The following BMERB1 variants were observed in gnomAD, a reference collection of about 807,000 sequenced individuals.
BMERB1 encodes the protein bMERB domain-containing protein 1.
Under a neutral mutation model 23.6 loss-of-function variants are expected in BMERB1, and 12 were observed. The ratio of observed to expected loss-of-function variants is 0.51; its 90% CI spans 0.33 to 0.82. The LOEUF (loss-of-function observed/expected upper bound fraction) is 0.82, where lower values mean the gene tolerates loss of function less well. Among genes scored for constraint, BMERB1 ranks in the 40% least tolerant of loss-of-function variants. BMERB1 has a pLI of 0.03. For synonymous variants in BMERB1, 122 were observed against 96.6 expected (o/e 1.26, Z -1.54); for missense variants, 247 against 255.4 (o/e 0.97, Z 0.22).
chr16:15,445,174 T>C (rs1164357683), intron 1 of BMERB1, among the ~76,000 whole-genome samples: 1 of 152,210 alleles, frequency 6.6e-6, no homozygotes, highest in Non-Finnish European at 1.5e-5. Flanking sequence ...ATTATAGGCA[T>C]GAGCCACCAC....
intron 1 of BMERB1, among the ~76,000 whole-genome samples, chr16:15,467,451 A>G (rs1330986350): frequency 6.6e-6 from 1 of 152,138 alleles, no homozygotes; most frequent in African/African-American, 2.4e-5. Context: ...GCTGTTGCAC[A>G]TCTTTTTATG....
intron 1 of BMERB1, among the ~76,000 whole-genome samples, chr16:15,499,081 A>C (rs1193461104): frequency 6.6e-6 from 1 of 152,164 alleles, no homozygotes; most frequent in Non-Finnish European, 1.5e-5. Context: ...TCTTTGTCTC[A>C]AGTGTTGGGT....
chr16:15,477,616 G>C (rs779891864), intron 1 of BMERB1, among the ~76,000 whole-genome samples: 3 of 152,140 alleles, frequency 2.0e-5, no homozygotes, highest in Non-Finnish European at 4.4e-5. Context: ...AGGCAACAAA[G>C]TGAGATCATG....
chr16:15,544,952 AAG>A (rs1275343589), intron 2 of BMERB1, among the ~76,000 whole-genome samples: 1 of 151,676 alleles, frequency 6.6e-6, no homozygotes, highest in African/African-American at 2.4e-5. Flanking sequence ...CACCTAACAC[AAG>A]CCCAAATTTT....
intron 2 of BMERB1, among the ~76,000 whole-genome samples, chr16:15,524,056 A>G (rs1196224824): frequency 1.3e-5 from 2 of 152,148 alleles, no homozygotes; most frequent in Non-Finnish European, 2.9e-5. Flanking sequence ...ATGAGCTGAT[A>G]ATTCTGAAGT....
intron 1 of BMERB1, among the ~76,000 whole-genome samples, chr16:15,494,544 G>T (rs1157084495): frequency 6.6e-6 from 1 of 152,084 alleles, no homozygotes; most frequent in Non-Finnish European, 1.5e-5. Context: ...AATCTTTCTG[G>T]AAGTCCCACC....
chr16:15,521,341 A>C (rs1567482847), intron 2 of BMERB1, among the ~76,000 whole-genome samples: 1 of 152,212 alleles, frequency 6.6e-6, no homozygotes, highest in Admixed American at 6.5e-5. Flanking sequence ...TCTGCTGGGA[A>C]TGTGCTGTAG....
At chr16:15,498,613 G>GA (rs1464894342) in intron 1 of BMERB1, among the ~76,000 whole-genome samples, 1 of 150,136 alleles carries the variant, frequency 6.7e-6, no homozygotes, top group Non-Finnish European at 1.5e-5. Flanking sequence ...AGGAAGGAAG[G>GA]AAAAAAGAAA....
At chr16:15,505,033 CTT>C (rs1420205099) in intron 1 of BMERB1, among the ~76,000 whole-genome samples, 1 of 152,096 alleles carries the variant, frequency 6.6e-6, no homozygotes, top group Non-Finnish European at 1.5e-5. Context: ...TTGAGTAGGA[CTT>C]AACCCATGGC....
At chr16:15,484,640 A>G (rs559327718) in intron 1 of BMERB1, among the ~76,000 whole-genome samples, 2 of 152,218 alleles carry the variant, frequency 1.3e-5, no homozygotes, top group Admixed American at 6.5e-5. Flanking sequence ...GACCTCAGGT[A>G]ATCTGCCCAC....
At position 15,581,237 on chromosome 16, in the gene BMERB1, C is replaced by T; in HGVS notation, c.325C>T (p.Gln109Ter). ...AIPEKEKTKL[Q>*]KQREDELIQK... Reference sequence around the variant, plus strand: ...TCCAGAAAAAGAAAAAACCAAACTGCAGAAGCAGAGAGAGGATGAGCTAAT... The same window carrying T: ...TCCAGAAAAAGAAAAAACCAAACTGTAGAAGCAGAGAGAGGATGAGCTAAT... Residue 109 changes from glutamine to a stop codon, truncating the protein, a stop_gained, in exon 4 of 6, where the codon CAG (glutamine) becomes TAG (stop). Transcript: ENST00000300006. LOFTEE classifies it high-confidence loss of function. 6.2e-7 allele frequency: 1 copy of T among 1,613,160 alleles called. No individual in the cohort carries two copies. Among genetic ancestry groups the T allele is most frequent in the East Asian group, 2.2e-5 (1 of 44,884 alleles).
chr16:15,511,381 C>CT (rs2051662979), intron 1 of BMERB1, among the ~76,000 whole-genome samples: 1 of 152,070 alleles, frequency 6.6e-6, no homozygotes, highest in South Asian at 2.1e-4. Flanking sequence ...GACCCGCCAT[C>CT]TTTAGAAGGC....
intron 2 of BMERB1, among the ~76,000 whole-genome samples, chr16:15,539,110 A>G (rs1314945298): frequency 6.6e-6 from 1 of 152,174 alleles, no homozygotes; most frequent in Non-Finnish European, 1.5e-5. Context: ...ACAACTCACC[A>G]TAATGTGGAA....
chr16:15,520,662 A>G (rs1390033148), intron 2 of BMERB1, among the ~76,000 whole-genome samples: 2 of 150,898 alleles, frequency 1.3e-5, no homozygotes, highest in South Asian at 2.1e-4. Flanking sequence ...TTTTTTTTGT[A>G]TTTTTTAGTA....
At chr16:15,531,688 A>G (rs938871589) in intron 2 of BMERB1, among the ~76,000 whole-genome samples, 3 of 152,218 alleles carry the variant, frequency 2.0e-5, no homozygotes, top group Non-Finnish European at 4.4e-5. Context: ...AAGACAGGGC[A>G]ATAGATACCA....
intron 3 of BMERB1, among the ~76,000 whole-genome samples, chr16:15,578,211 GTCTTC>G (rs914605002): frequency 2.0e-5 from 3 of 150,206 alleles, no homozygotes; most frequent in East Asian, 2.0e-4. Context: ...GTGTCTGTGT[GTCTTC>G]TCTTCTCCTC....
chr16:15,499,117 GCTAT>G (rs1012957091), intron 1 of BMERB1, among the ~76,000 whole-genome samples: 3 of 152,264 alleles, frequency 2.0e-5, no homozygotes, highest in East Asian at 1.9e-4. Flanking sequence ...CCCCAAATGG[GCTAT>G]CTTAGTTTCT....
At chr16:15,575,070 C>G (rs933715233) in intron 3 of BMERB1, among the ~76,000 whole-genome samples, 2 of 152,126 alleles carry the variant, frequency 1.3e-5, no homozygotes, top group African/African-American at 4.8e-5. Context: ...CAAAGCAAGA[C>G]TCTGCCTCAA....
intron 4 of BMERB1, among the ~76,000 whole-genome samples, chr16:15,582,134 A>C (rs990185436): frequency 4.5e-4 from 68 of 152,336 alleles, no homozygotes; most frequent in African/African-American, 1.6e-3. Context: ...ACAGTGGCTG[A>C]CGCCTGTAAT....
Sources: allele counts gnomAD v4.1 joint callset (sites outside exome capture counted in the v4.1 genomes callset), GRCh38; gene constraint gnomAD v4.1.1; transcripts MANE v1.5; gene names NCBI Gene and HGNC (gene_info 2026-07-23, HGNC 2026-07-21).